The following DDX10 variants were observed in gnomAD, a reference collection of about 807,000 sequenced individuals.
DDX10 encodes the protein DEAD-box helicase 10, also known as probable ATP-dependent RNA helicase DDX10.
DDX10 carries 74 observed loss-of-function variants against 104.3 expected under a neutral mutation model. The ratio of observed to expected loss-of-function variants is 0.71; its 90% CI spans 0.59 to 0.86. The LOEUF is 0.86. Ranked by LOEUF, DDX10 falls within the 40% of genes least tolerant of loss-of-function variation. The pLI is 0.00. For synonymous variants in DDX10, 351 were observed against 353.4 expected (o/e 0.99, Z 0.08); for missense variants, 952 against 1,040.0 (o/e 0.92, Z 1.16).
At chr11:108,774,448 T>A (rs1451720016) in intron 13 of DDX10, among the ~76,000 whole-genome samples, 3 of 152,358 alleles carry the variant, frequency 2.0e-5, no homozygotes, top group Non-Finnish European at 2.9e-5. Flanking sequence ...TTAAAATTTA[T>A]CGCTTGCTGG....
rs536382676 is a variant in DDX10, at chr11:108,700,334, G to C, written c.1224-6405G>C. On this transcript the variant is annotated intron_variant, in intron 9 of 17. Coordinates refer to ENST00000322536, the MANE Select transcript of DDX10 (RefSeq NM_004398.4). ...TAGGAAACTCTTTCTCAGAGACTTT[G>C]AGGTAGATTATGTCGATGATTTCTC... 4.6e-5 allele frequency among the ~76,000 whole-genome samples: 7 copies of C among 152,310 alleles called. No homozygotes were observed. In the South Asian group the frequency reaches 1.5e-3, roughly 32 times the overall value.
chr11:108,938,636 A>G (rs1328939835), intron 17 of DDX10, among the ~76,000 whole-genome samples: 1 of 152,180 alleles, frequency 6.6e-6, no homozygotes, highest in Non-Finnish European at 1.5e-5. Flanking sequence ...CTGAATTTGT[A>G]TCACAGGGAA....
chr11:108,911,767 G>T (rs563597621), intron 16 of DDX10, among the ~76,000 whole-genome samples: 1 of 151,774 alleles, frequency 6.6e-6, no homozygotes, highest in Non-Finnish European at 1.5e-5. Flanking sequence ...TCACCATGTT[G>T]TGCAGACTGA....
intron 15 of DDX10, among the ~76,000 whole-genome samples, chr11:108,847,398 GA>G (rs1171470233): frequency 6.6e-6 from 1 of 152,118 alleles, no homozygotes; most frequent in East Asian, 1.9e-4. Context: ...TGAGAATAGA[GA>G]AAAACAATTC....
At chr11:108,845,241 G>C (rs1268203508) in intron 15 of DDX10, among the ~76,000 whole-genome samples, 4 of 150,772 alleles carry the variant, frequency 2.7e-5, no homozygotes, top group Non-Finnish European at 4.4e-5. Context: ...AACAAACAAA[G>C]ACTTTCTTCT....
chr11:108,922,897 G>A (rs942216863), intron 17 of DDX10, among the ~76,000 whole-genome samples: 28 of 152,208 alleles, frequency 1.8e-4, no homozygotes, highest in East Asian at 1.9e-4. Context: ...TAATCTACCC[G>A]CAGTACAGAA....
chr11:108,742,392 C>T (rs2094326317), intron 13 of DDX10, among the ~76,000 whole-genome samples: 1 of 151,824 alleles, frequency 6.6e-6, no homozygotes, highest in African/African-American at 2.4e-5. Context: ...ATGGTGAAAC[C>T]CTGTCTCTAC....
In DDX10 at chr11:108,679,558, T is replaced by C. The variant is rs61751526; in HGVS notation, c.846T>C (p.Tyr282=). The C allele has an allele frequency of 4.0e-3, 6,419 of 1,597,166 alleles. 22 individuals carry two copies. Among genetic ancestry groups the C allele is most frequent in the Non-Finnish European group, 4.6e-3 (5,346 of 1,173,656 alleles). ...EYVWVHEKAK[Y]STPATLEQNY... ...TCTGGGTTCATGAAAAAGCAAAATA[T>C]AGGTATGTACTCTTTGAGTCAATCA... Residue 282 remains tyrosine (Y), a splice_region_variant and synonymous_variant, in exon 6 of 18, where the codon TAT becomes TAC. Coordinates refer to ENST00000322536, the MANE Select transcript of DDX10 (RefSeq NM_004398.4).
intron 16 of DDX10, among the ~76,000 whole-genome samples, chr11:108,876,591 A>G (rs1406228556): frequency 1.3e-5 from 2 of 152,186 alleles, no homozygotes; most frequent in Non-Finnish European, 2.9e-5. Flanking sequence ...TAGTTCTGTG[A>G]TCTTGAACAA....
chr11:108,719,747 CT>C (rs775989812), intron 11 of DDX10, 49 bp from the exon 12 acceptor site: 5 of 1,209,592 alleles, frequency 4.1e-6, no homozygotes, highest in Non-Finnish European at 4.8e-6. Context: ...TTGGTCTAAA[CT>C]CATTTTTAAT....
At chr11:108,666,579 G>C (rs1003784000) in intron 1 of DDX10, among the ~76,000 whole-genome samples, 1 of 152,172 alleles carries the variant, frequency 6.6e-6, no homozygotes, top group African/African-American at 2.4e-5. Context: ...CCAAAATCAA[G>C]GTGTCAGCAG....
At chr11:108,773,659 A>G (rs553283924) in intron 13 of DDX10, among the ~76,000 whole-genome samples, 1 of 152,122 alleles carries the variant, frequency 6.6e-6, no homozygotes, top group Non-Finnish European at 1.5e-5. Context: ...CTGTATTGAT[A>G]AATATTGATT....
intron 16 of DDX10, among the ~76,000 whole-genome samples, chr11:108,910,751 G>A (rs1169455439): frequency 3.2e-5 from 4 of 124,134 alleles, no homozygotes; most frequent in Non-Finnish European, 6.2e-5. Context: ...GTGTGTGTGT[G>A]TGTGTGTGTG....
At chr11:108,768,841 A>AT (rs1374918156) in intron 13 of DDX10, among the ~76,000 whole-genome samples, 1 of 151,274 alleles carries the variant, frequency 6.6e-6, no homozygotes, top group Non-Finnish European at 1.5e-5. Context: ...TGGCATTTTG[A>AT]TTTTTAATAT....
chr11:108,719,532 A>G (rs924737860), intron 11 of DDX10, among the ~76,000 whole-genome samples: 2 of 152,108 alleles, frequency 1.3e-5, no homozygotes, highest in African/African-American at 2.4e-5. Flanking sequence ...CCTTATTGTA[A>G]TGGAATTATA....
In DDX10 at chr11:108,940,446, C is replaced by T. The variant is rs769944983; in HGVS notation, c.*23C>T. The T allele has an allele frequency of 1.9e-6, 3 of 1,606,576 alleles. No individual in the cohort carries two copies. The highest frequency in any genetic ancestry group is 2.2e-5 in the East Asian group (1 of 44,744). On this transcript the variant is annotated 3_prime_UTR_variant, in exon 18 of 18. Coordinates refer to ENST00000322536, the MANE Select transcript of DDX10 (RefSeq NM_004398.4). ...TAAATACTTCCTGCGCCTGCCTTCT[C>T]CTTGAAACCTTGGTTATGACTGCGT...
chr11:108,704,520 T>G (rs2094273117), intron 9 of DDX10, among the ~76,000 whole-genome samples: 2 of 152,178 alleles, frequency 1.3e-5, no homozygotes, highest in South Asian at 4.1e-4. Context: ...CTTTCCTTGG[T>G]GGAGTGTGAG....
chr11:108,756,269 T>C (rs1315952331), intron 13 of DDX10, among the ~76,000 whole-genome samples: 1 of 152,092 alleles, frequency 6.6e-6, no homozygotes, highest in South Asian at 2.1e-4. Context: ...AGATTGCTTA[T>C]GGTGTCCTGT....
At chr11:108,754,802 T>A (rs2094342605) in intron 13 of DDX10, among the ~76,000 whole-genome samples, 1 of 152,012 alleles carries the variant, frequency 6.6e-6, no homozygotes. Flanking sequence ...TTATTCACTA[T>A]TCTATCCCTT....
Sources: allele counts gnomAD v4.1 joint callset (sites outside exome capture counted in the v4.1 genomes callset), GRCh38; gene constraint gnomAD v4.1.1; transcripts MANE v1.5; gene names NCBI Gene and HGNC (gene_info 2026-07-23, HGNC 2026-07-21).